ZNF469: variants seen among roughly 807,000 people sequenced by gnomAD.
ZNF469 encodes the protein zinc finger protein 469.
In ZNF469, 1 loss-of-function variant was observed where a neutral mutation model predicts 1.0. The ratio of observed to expected loss-of-function variants is 1.00; its 90% CI spans 0.35 to 4.73. The LOEUF is 4.73. Among genes scored for constraint, ZNF469 ranks in the 30% most tolerant of loss-of-function variants. ZNF469 has a pLI of 0.16. For synonymous variants in ZNF469, 2,703 were observed against 2,363.4 expected, an observed-to-expected ratio of 1.14 and a Z score of -4.17; for missense variants, 6,100 against 5,356.3, an observed-to-expected ratio of 1.14 and a Z score of -4.33.
chr16:88,322,850 G>A, the ZNF469 span, among the ~76,000 whole-genome samples: 11 of 152,216 alleles, frequency 7.2e-5, no homozygotes, highest in Non-Finnish European at 4.4e-5. Flanking sequence ...AGGTTCAAAT[G>A]TGAGCCCAGC....
At chr16:88,288,573 C>A in the ZNF469 span, among the ~76,000 whole-genome samples, 1 of 152,310 alleles carries the variant, frequency 6.6e-6, no homozygotes, top group African/African-American at 2.4e-5. Flanking sequence ...TGAACACCTG[C>A]TATGTGTGTT....
the ZNF469 span, among the ~76,000 whole-genome samples, chr16:88,101,219 T>G: frequency 6.6e-5 from 10 of 152,082 alleles, no homozygotes; most frequent in Admixed American, 6.5e-4. Context: ...ACCGAGGGGG[T>G]GCACGCAGGG....
the ZNF469 span, among the ~76,000 whole-genome samples, chr16:88,258,754 C>T: frequency 5.3e-5 from 8 of 152,310 alleles, no homozygotes; most frequent in Admixed American, 2.0e-4. Context: ...ATGCAGAAAA[C>T]GCAGCCCCAG....
At chr16:88,287,541 T>A in the ZNF469 span, among the ~76,000 whole-genome samples, 7 of 152,234 alleles carry the variant, frequency 4.6e-5, no homozygotes, top group Non-Finnish European at 8.8e-5. Flanking sequence ...ATCAATCCCA[T>A]GCTGGCAAAA....
At chr16:88,342,533 C>G in the ZNF469 span, among the ~76,000 whole-genome samples, 1 of 152,180 alleles carries the variant, frequency 6.6e-6, no homozygotes, top group Non-Finnish European at 1.5e-5. Context: ...GCCCTGCACT[C>G]AGGTAGGACA....
At chr16:88,365,920 T>C in the ZNF469 span, among the ~76,000 whole-genome samples, 81,683 of 152,076 alleles carry the variant, frequency 0.54, 23,270 homozygotes, top group African/African-American at 0.72. Flanking sequence ...CCTCTACCTC[T>C]TCCAACCAGC....
chr16:88,398,991 AAC>A (rs769362681), intron 1 of ZNF469, among the ~76,000 whole-genome samples: 1 of 152,228 alleles, frequency 6.6e-6, no homozygotes, highest in Non-Finnish European at 1.5e-5. Context: ...CAGATAAGAA[AAC>A]ACAGCATAGA....
the ZNF469 span, among the ~76,000 whole-genome samples, chr16:88,219,923 C>A: frequency 6.6e-6 from 1 of 152,118 alleles, no homozygotes; most frequent in Non-Finnish European, 1.5e-5. Flanking sequence ...TGGCAGATGC[C>A]CCTAGAGAGA....
the ZNF469 span, among the ~76,000 whole-genome samples, chr16:88,121,666 A>ATAT: frequency 6.6e-6 from 1 of 152,198 alleles, no homozygotes; most frequent in Non-Finnish European, 1.5e-5. Flanking sequence ...CTAAGGAATC[A>ATAT]TATATCATTT....
the ZNF469 span, among the ~76,000 whole-genome samples, chr16:88,127,625 C>T: frequency 3.4e-3 from 520 of 152,292 alleles, 2 homozygotes; most frequent in African/African-American, 0.012. Context: ...TGATGAGCGT[C>T]GTCAGTGCTG....
At chr16:88,307,492 T>G in the ZNF469 span, among the ~76,000 whole-genome samples, 1 of 152,234 alleles carries the variant, frequency 6.6e-6, no homozygotes, top group Non-Finnish European at 1.5e-5. Context: ...TTCTCCCTAC[T>G]CTCATCAACA....
chr16:88,148,958 A>G, the ZNF469 span, among the ~76,000 whole-genome samples: 15 of 152,178 alleles, frequency 9.9e-5, no homozygotes, highest in Admixed American at 8.5e-4. Flanking sequence ...GCTGGGTGGC[A>G]GGGACCCTCA....
chr16:88,245,507 C>G, the ZNF469 span, among the ~76,000 whole-genome samples: 1 of 152,256 alleles, frequency 6.6e-6, no homozygotes, highest in Non-Finnish European at 1.5e-5. Context: ...GGAGATGAGC[C>G]CTGAGGCTGG....
the ZNF469 span, among the ~76,000 whole-genome samples, chr16:88,156,835 C>G: frequency 1.3e-5 from 2 of 151,996 alleles, no homozygotes; most frequent in Admixed American, 6.5e-5. Flanking sequence ...CCAGCCCTGT[C>G]TTGTTGCCAT....
chr16:88,238,456 C>T, the ZNF469 span, among the ~76,000 whole-genome samples: 53,027 of 151,060 alleles, frequency 0.35, 11,387 homozygotes, highest in Non-Finnish European at 0.48. Context: ...CCTAGATAGA[C>T]CCTAAATAGA....
the ZNF469 span, among the ~76,000 whole-genome samples, chr16:88,118,628 G>T: frequency 1.3e-5 from 2 of 152,318 alleles, no homozygotes; most frequent in South Asian, 4.1e-4. Context: ...CTTCCCTTCA[G>T]AGTGCGCTGA....
At chr16:88,137,472 A>G in the ZNF469 span, among the ~76,000 whole-genome samples, 203 of 152,274 alleles carry the variant, frequency 1.3e-3, no homozygotes, top group African/African-American at 4.7e-3. Flanking sequence ...GCAATCATGC[A>G]TGTATACAAT....
the ZNF469 span, among the ~76,000 whole-genome samples, chr16:88,194,036 A>G: frequency 6.6e-6 from 1 of 152,234 alleles, no homozygotes; most frequent in African/African-American, 2.4e-5. Context: ...CTCAGGCCTC[A>G]GCGTGGCCCG....
the ZNF469 span, among the ~76,000 whole-genome samples, chr16:88,319,301 C>G: frequency 2.6e-5 from 4 of 152,172 alleles, no homozygotes; most frequent in African/African-American, 9.6e-5. Flanking sequence ...CCAGTGTCGC[C>G]TAAACAAATG....
Sources: allele counts gnomAD v4.1 joint callset (sites outside exome capture counted in the v4.1 genomes callset), GRCh38; gene constraint gnomAD v4.1.1; transcripts MANE v1.5; gene names NCBI Gene and HGNC (gene_info 2026-07-23, HGNC 2026-07-21).